The following CLPB variants were observed in gnomAD, a reference collection of about 807,000 sequenced individuals.
CLPB encodes the protein mitochondrial disaggregase.
Under a neutral mutation model 78.4 loss-of-function variants are expected in CLPB, and 40 were observed. That is an observed-to-expected ratio of 0.51 (90% CI 0.40 to 0.66). CLPB has a LOEUF of 0.66. CLPB is among the 30% of genes least tolerant of loss of function. CLPB has a pLI of 0.00. For missense variants in CLPB, 780 were observed against 886.9 expected (o/e 0.88, Z 1.53); for synonymous variants, 333 against 348.0 (o/e 0.96, Z 0.48).
chr11:72,380,248 A>G (rs770589866), intron 4 of CLPB, 33 bp downstream of exon 4: 30 of 1,501,436 alleles, frequency 2.0e-5, no homozygotes, highest in Non-Finnish European at 9.3e-7. Flanking sequence ...ACAAGAGGAG[A>G]GCTCTCAGAG....
intron 2 of CLPB, among the ~76,000 whole-genome samples, chr11:72,426,209 G>A (rs1856370172): frequency 1.3e-5 from 2 of 152,218 alleles, no homozygotes; most frequent in South Asian, 4.1e-4. Context: ...GCTGGGAGAA[G>A]GGAGATGGGT....
At chr11:72,302,275 T>C (rs756072875) in intron 10 of CLPB, 29 bp downstream of exon 10, 3 of 1,611,626 alleles carry the variant, frequency 1.9e-6, no homozygotes, top group Non-Finnish European at 1.7e-6. Context: ...CTCCAAACCA[T>C]GCTTCAATCA....
At chr11:72,378,501 A>C (rs1248967107) in intron 4 of CLPB, among the ~76,000 whole-genome samples, 2 of 152,194 alleles carry the variant, frequency 1.3e-5, no homozygotes, top group Non-Finnish European at 2.9e-5. Context: ...TATCACAAGA[A>C]TAGCATGGGA....
At chr11:72,407,597 C>A (rs1163247482) in intron 2 of CLPB, among the ~76,000 whole-genome samples, 1 of 152,088 alleles carries the variant, frequency 6.6e-6, no homozygotes, top group African/African-American at 2.4e-5. Flanking sequence ...AATGAAAGAA[C>A]ATACAGGAGA....
intron 9 of CLPB, 113 bp from the exon 10 acceptor site, chr11:72,302,461 A>C (rs752735007): frequency 2.3e-6 from 2 of 878,986 alleles, no homozygotes; most frequent in Non-Finnish European, 1.9e-6. Flanking sequence ...CACCAACATA[A>C]GATCTTCTAT....
intron 2 of CLPB, among the ~76,000 whole-genome samples, chr11:72,420,942 C>T (rs921652911): frequency 5.3e-5 from 8 of 152,060 alleles, no homozygotes; most frequent in Admixed American, 2.6e-4. Context: ...GGCGGATCAC[C>T]AGAGGTCGGG....
chr11:72,399,129 T>A (rs1855492489), intron 3 of CLPB, among the ~76,000 whole-genome samples: 1 of 151,298 alleles, frequency 6.6e-6, no homozygotes, highest in African/African-American at 2.4e-5. Context: ...TTTTGCCCTA[T>A]CAGGAAACTT....
rs1949400413 is a variant in CLPB, at chr11:72,287,123, G to A, written c.*6244C>T. The A allele has an allele frequency of 6.6e-6, 1 of 152,072 alleles. No individual in the cohort carries two copies. The highest frequency in any genetic ancestry group is 1.5e-5 in the Non-Finnish European group (1 of 68,048). The allele number at this position is 152,072 out of a possible 1,614,324, so 9.4% of individuals were successfully genotyped here. A position where few individuals can be genotyped will look rare whatever the true frequency, so the allele number is the denominator to read the frequency against. Reference sequence around the variant, plus strand: ...GGGATTTTTGCATCTATGGCCATAGGTGAGATTAGGCTATAGCATTCTTTC... The same window carrying A: ...GGGATTTTTGCATCTATGGCCATAGATGAGATTAGGCTATAGCATTCTTTC... On this transcript the variant is annotated 3_prime_UTR_variant, in exon 16 of 16. Coordinates refer to ENST00000538039, the MANE Select transcript of CLPB (RefSeq NM_001258392.3).
At chr11:72,430,045 G>C (rs937318692) in intron 2 of CLPB, among the ~76,000 whole-genome samples, 56 of 152,202 alleles carry the variant, frequency 3.7e-4, no homozygotes, top group Admixed American at 2.6e-4. Context: ...AAGGATATGG[G>C]GGCTGAAGGG....
intron 2 of CLPB, among the ~76,000 whole-genome samples, chr11:72,408,702 A>C (rs1855786601): frequency 1.3e-5 from 2 of 150,264 alleles, no homozygotes; most frequent in African/African-American, 2.4e-5. Context: ...AGAAAAGACC[A>C]CAAGAGAACC....
rs1159664511 is a variant in CLPB at position 72,287,501 on chromosome 11, T to TG, written c.*5865dup. Reference sequence around the variant, plus strand: ...CTAATTTTGGTATTTTTAGTAGAGGTGGGGTCTTGCCATGTTGCCCAGGCT... The same window carrying TG: ...CTAATTTTGGTATTTTTAGTAGAGGTGGGGGTCTTGCCATGTTGCCCAGGCT... On this transcript the variant is annotated 3_prime_UTR_variant, in exon 16 of 16. Coordinates refer to ENST00000538039, the MANE Select transcript of CLPB (RefSeq NM_001258392.3). 2 of 152,152 alleles carry TG rather than the reference T, an allele frequency of 1.3e-5. No individual in the cohort carries two copies. Among genetic ancestry groups the TG allele is most frequent in the African/African-American group, 4.8e-5 (2 of 41,364 alleles). 9.4% of individuals were successfully genotyped at this position (152,152 alleles called of 1,614,324 possible). A position where few individuals can be genotyped will look rare whatever the true frequency, so the allele number is the denominator to read the frequency against.
At chr11:72,335,833 A>G (rs1425172862) in intron 5 of CLPB, among the ~76,000 whole-genome samples, 1 of 152,252 alleles carries the variant, frequency 6.6e-6, no homozygotes, top group African/African-American at 2.4e-5. Context: ...TTCTGAGGCC[A>G]CACAGAACAT....
intron 2 of CLPB, among the ~76,000 whole-genome samples, chr11:72,420,511 A>G (rs1455241302): frequency 6.6e-6 from 1 of 151,824 alleles, no homozygotes. Flanking sequence ...AAAAAAAAAA[A>G]CTTTCAATAA....
chr11:72,386,826 T>C (rs1334959621), intron 3 of CLPB, among the ~76,000 whole-genome samples: 1 of 152,208 alleles, frequency 6.6e-6, no homozygotes, highest in African/African-American at 2.4e-5. Flanking sequence ...CTAAAACTCA[T>C]ATGTTTAATT....
At position 72,406,432 on chromosome 11, in the gene CLPB, C is replaced by G. The variant is rs1409205810; in HGVS notation, c.456-3380G>C. Among the ~76,000 whole-genome samples the G allele has an allele frequency of 2.0e-5, 3 of 152,194 alleles. No individual in the cohort carries two copies. The East Asian group carries it at 5.8e-4, about 29-fold the overall frequency. On this transcript the variant is annotated intron_variant, in intron 2 of 15. Coordinates refer to ENST00000538039, the MANE Select transcript of CLPB (RefSeq NM_001258392.3). ...ATGAATAAAGGGCATTGGAGTAAGT[C>G]AGACCCCGATTTGAATTCTGATCTA...
intron 5 of CLPB, among the ~76,000 whole-genome samples, chr11:72,348,740 T>C (rs1950559647): frequency 6.6e-6 from 1 of 152,230 alleles, no homozygotes; most frequent in South Asian, 2.1e-4. Flanking sequence ...TTCACCAAAC[T>C]ATCACTGTAC....
intron 5 of CLPB, among the ~76,000 whole-genome samples, chr11:72,330,304 T>A (rs1241459020): frequency 6.6e-6 from 1 of 152,202 alleles, no homozygotes; most frequent in African/African-American, 2.4e-5. Flanking sequence ...TCTGTCTGAG[T>A]CAGCTGAGTC....
chr11:72,408,621 T>C (rs1855780874), intron 2 of CLPB, among the ~76,000 whole-genome samples: 1 of 143,858 alleles, frequency 7.0e-6, no homozygotes, highest in African/African-American at 2.6e-5. Flanking sequence ...GAGCCAAGAT[T>C]GCGCCACTGC....
At chr11:72,380,245 G>A in intron 4 of CLPB, 36 bp downstream of exon 4, 1 of 1,493,404 alleles carries the variant, frequency 6.7e-7, no homozygotes, top group Non-Finnish European at 9.3e-7. Flanking sequence ...GCCACAAGAG[G>A]AGAGCTCTCA....
Sources: allele counts gnomAD v4.1 joint callset (sites outside exome capture counted in the v4.1 genomes callset), GRCh38; gene constraint gnomAD v4.1.1; transcripts MANE v1.5; gene names NCBI Gene and HGNC (gene_info 2026-07-23, HGNC 2026-07-21).